Variants in TPR observed in about 807,000 individuals in gnomAD.
The protein encoded by TPR is nucleoprotein TPR.
In TPR, 51 loss-of-function variants were observed where a neutral mutation model predicts 316.1. That is an observed-to-expected ratio of 0.16 (90% confidence interval 0.13 to 0.20). The LOEUF is 0.20. TPR is among the 10% of genes least tolerant of loss of function. The pLI is 1.00. For missense variants in TPR, 2,272 were observed against 2,754.8 expected (o/e 0.82, Z 3.92); for synonymous variants, 981 against 914.7 (o/e 1.07, Z -1.31).
Position 186,344,442 on chromosome 1 carries a change from G to C in TPR, c.3350C>G (p.Thr1117Arg). 1 of 1,614,060 alleles carries C rather than the reference G, an allele frequency of 6.2e-7. No individual in the cohort carries two copies. The highest frequency in any genetic ancestry group is 8.5e-7 in the Non-Finnish European group (1 of 1,179,980). The change falls in exon 25 of 51, where the codon ACA (threonine) becomes AGA (arginine). Residue 1117 changes from threonine to arginine, a missense_variant. Transcript: ENST00000367478. ...CAACAACTGTGATTCTGCTTTCTGT[G>C]TTGTTTCTTCCAAATGCTGACGGAC... Reference protein sequence around the residue: ...ASVRQHLEETTQKAESQLLEC... With the variant: ...ASVRQHLEETRQKAESQLLEC...
At position 186,344,139 on chromosome 1, in the gene TPR, A is replaced by T. The variant is rs565281509; in HGVS notation, c.3418-49T>A. The T allele has an allele frequency of 5.8e-6, 9 of 1,560,172 alleles. No individual in the cohort carries two copies. The East Asian group carries it at 2.0e-4, about 35-fold the overall frequency. On this transcript the variant is annotated intron_variant, in intron 25 of 50. Coordinates refer to ENST00000367478, the MANE Select transcript of TPR (RefSeq NM_003292.3). ...ATAACAGATTTTCCAATGCATATTTAAAAAAAACAACTTGGCCAGGCGCGG... is the reference window on the plus strand; with the variant it reads ...ATAACAGATTTTCCAATGCATATTTTAAAAAAACAACTTGGCCAGGCGCGG...
In TPR at chr1:186,339,788, T is replaced by C. The variant is rs1045891142; in HGVS notation, c.4021-16A>G. 1 of 1,551,752 alleles carries C rather than the reference T, an allele frequency of 6.4e-7. No individual in the cohort carries two copies. The highest frequency in any genetic ancestry group is 8.7e-7 in the Non-Finnish European group (1 of 1,154,858). ...TTACTAGATGCTAGAATAACAAAAA[T>C]GCATACTTGATTTTTTTAGGTTTTA... On this transcript the variant is annotated splice_polypyrimidine_tract_variant and intron_variant, in intron 29 of 50. Transcript: ENST00000367478.
Position 186,326,171 on chromosome 1 carries a change from C to G in TPR, c.5954G>C (p.Gly1985Ala). 1 of 1,610,606 alleles carries G rather than the reference C, an allele frequency of 6.2e-7. No homozygotes were observed. Among genetic ancestry groups the G allele is most frequent in the Non-Finnish European group, 8.5e-7 (1 of 1,177,002 alleles). Reference protein sequence around the residue: ...DEDDTGMGDEGEDSNEGTGSA... With the variant: ...DEDDTGMGDEAEDSNEGTGSA... ...ACCAGTTCCTTCATTACTATCTTCA[C>G]CCTCATCTCCCATCCCTGTGTCATC... The change falls in exon 41 of 51, where the codon GGT becomes GCT. Residue 1985 changes from glycine to alanine, a missense_variant. Coordinates refer to ENST00000367478, the MANE Select transcript of TPR (RefSeq NM_003292.3).
intron 31 of TPR, among the ~76,000 whole-genome samples, chr1:186,337,450 A>G (rs1293123049): frequency 6.6e-6 from 1 of 152,164 alleles, no homozygotes; most frequent in Non-Finnish European, 1.5e-5. Context: ...ACAAAAGAAT[A>G]TAAGCATATA....
chr1:186,358,457 T>G (rs1659090236), intron 13 of TPR, 86 bp downstream of exon 13: 1 of 978,986 alleles, frequency 1.0e-6, no homozygotes, highest in Non-Finnish European at 1.5e-6. Context: ...ACATGGTAGT[T>G]CTATCTTAGG....
chr1:186,314,335 T>C (rs2102044588), intron 50 of TPR: 1 of 388,256 alleles, frequency 2.6e-6, no homozygotes, highest in East Asian at 4.5e-5. Flanking sequence ...TAGGTAGAGA[T>C]ACAACAAATG....
intron 26 of TPR, 145 bp downstream of exon 26, chr1:186,343,761 T>C (rs1459410614): frequency 2.3e-6 from 2 of 884,486 alleles, no homozygotes; most frequent in African/African-American, 1.7e-5. Context: ...TATGTGTAAA[T>C]GTTAAAAGTT....
chr1:186,318,067 T>A (rs1657661175), intron 48 of TPR, among the ~76,000 whole-genome samples: 1 of 152,182 alleles, frequency 6.6e-6, no homozygotes, highest in Admixed American at 6.5e-5. Context: ...AGTGGCTACA[T>A]CCATCTTTCT....
Position 186,353,794 on chromosome 1 carries a change from T to C in TPR, c.2228A>G (p.His743Arg). The change falls in exon 18 of 51, where the codon CAT becomes CGT. Residue 743 changes from histidine to arginine, a missense_variant. Around this residue, in one of 10 missense-constraint regions of TPR, gnomAD observed 757 missense variants for 859.8 expected, o/e 0.88. Transcript: ENST00000367478. ...GGCAGTGAGTTTCTGATTTCTCTCA[T>C]GAAGTGATGTTATTTCTCGACGATA... ...EGYRREITSLHERNQKLTATT... is the reference protein window; with the variant it reads ...EGYRREITSLRERNQKLTATT... 1 of 1,614,150 alleles carries C rather than the reference T, an allele frequency of 6.2e-7. No homozygotes were observed.
chr1:186,314,401 AAATC>A (rs1384082214), intron 50 of TPR: 1 of 359,138 alleles, frequency 2.8e-6, no homozygotes, highest in African/African-American at 2.1e-5. Context: ...TTTAAGGAAG[AAATC>A]AATAAATATA....
intron 37 of TPR, 145 bp from the exon 38 acceptor site, chr1:186,332,488 C>T: frequency 1.1e-6 from 1 of 873,642 alleles, no homozygotes; most frequent in African/African-American, 1.7e-5. Context: ...CAATCAACTC[C>T]TAGATCAATG....
At position 186,362,817 on chromosome 1, in the gene TPR, A is replaced by C; in HGVS notation, c.696+20T>G. 6.4e-7 allele frequency: 1 copy of C among 1,573,648 alleles called. No homozygotes were observed. The highest frequency in any genetic ancestry group is 8.6e-7 in the Non-Finnish European group (1 of 1,164,664). ...TAAGTTATACTCAACATGAAGAAAA[A>C]CACAATTTTACTAACTTACCTCTTC... is the stretch of plus-strand genomic sequence containing the variant. On this transcript the variant is annotated intron_variant, in intron 6 of 50. Transcript: ENST00000367478.
rs1657362446 is a variant in TPR, at chr1:186,312,725, T to A, written c.*1246A>T. On this transcript the variant is annotated 3_prime_UTR_variant, in exon 51 of 51. Coordinates refer to ENST00000367478, the MANE Select transcript of TPR (RefSeq NM_003292.3). The stretch of plus-strand genomic sequence containing the variant: ...GTCTGGCTCTTTCCAAGATAGTACA[T>A]TGCCTTTTAATCTGGTATCTTTTAT... 6.3e-7 allele frequency: 1 copy of A among 1,596,082 alleles called. No individual in the cohort carries two copies. The highest frequency in any genetic ancestry group is 1.3e-5 in the African/African-American group (1 of 74,664).
Position 186,360,748 on chromosome 1 carries a change from GC to G in TPR, c.1099+16del. 1 of 1,611,532 alleles carries G rather than the reference GC, an allele frequency of 6.2e-7. No homozygotes were observed. The highest frequency in any genetic ancestry group is 8.5e-7 in the Non-Finnish European group (1 of 1,178,662). On this transcript the variant is annotated intron_variant, in intron 10 of 50. Coordinates refer to ENST00000367478, the MANE Select transcript of TPR (RefSeq NM_003292.3). The stretch of plus-strand genomic sequence containing the variant: ...CTGTAGTATTTCAACTCACTAACAA[GC>G]ATCTATTAGCCATACCTTTACGTTT...
In TPR at chr1:186,327,128, A is replaced by T. The variant is rs1199005850; in HGVS notation, c.5889+332T>A. 1.4e-3 allele frequency among the ~76,000 whole-genome samples: 11 copies of T among 7,970 alleles called. 3 individuals carry two copies. The highest frequency in any genetic ancestry group is 2.0e-3 in the Admixed American group (1 of 494). 5.2% of individuals were successfully genotyped at this position (7,970 alleles called of 152,430 possible). ...ATATAAATATATATAAATATATAAC[A>T]TATATATTATATATATAAATATATA... On this transcript the variant is annotated intron_variant, in intron 40 of 50. Coordinates refer to ENST00000367478, the MANE Select transcript of TPR (RefSeq NM_003292.3).
chr1:186,343,238 A>C (rs181820960), intron 27 of TPR, 88 bp downstream of exon 27: 6 of 1,485,204 alleles, frequency 4.0e-6, no homozygotes, highest in Non-Finnish European at 5.4e-6. Context: ...CTTCAAGTTA[A>C]ATTTTACATT....
chr1:186,366,580 C>A (rs906137854), intron 4 of TPR, among the ~76,000 whole-genome samples: 2 of 152,146 alleles, frequency 1.3e-5, no homozygotes, highest in African/African-American at 4.8e-5. Context: ...GTTCTCAACT[C>A]TCTTATTTTA....
intron 33 of TPR, 28 bp downstream of exon 33, chr1:186,336,468 C>G (rs747673251): frequency 1.9e-6 from 3 of 1,609,878 alleles, no homozygotes; most frequent in African/African-American, 2.7e-5. Flanking sequence ...CTTTCACTAC[C>G]AAGTTCAAAC....
chr1:186,364,669 T>A (rs79081972), intron 4 of TPR, among the ~76,000 whole-genome samples: 28,475 of 152,080 alleles, frequency 0.19, 3,024 homozygotes, highest in African/African-American at 0.29. Flanking sequence ...GTTTGACTTA[T>A]AAAAATGTCA....
Sources: gnomAD v4.1 joint callset for allele counts (sites outside exome capture counted in the v4.1 genomes callset) on GRCh38, gnomAD v4.1.1 for gene constraint, gnomAD v4.1.1 regional missense constraint, MANE v1.5 for transcripts, NCBI Gene and HGNC (gene_info 2026-07-23, HGNC 2026-07-21) for gene names.